SLC36A4: variants seen among roughly 807,000 people sequenced by gnomAD.
The protein encoded by SLC36A4 is neutral amino acid uniporter 4.
Under a neutral mutation model 50.5 loss-of-function variants are expected in SLC36A4, and 49 were observed. The ratio of observed to expected loss-of-function variants is 0.97; its 90% CI spans 0.77 to 1.23. The LOEUF (loss-of-function observed/expected upper bound fraction) is 1.23, where lower values mean the gene tolerates loss of function less well. Ranked by LOEUF, SLC36A4 falls within the 50% of genes most tolerant of loss-of-function variation. The probability of loss-of-function intolerance (pLI) is 0.00; values close to 1 mark genes in which losing one functional copy is unlikely to be tolerated. For synonymous variants in SLC36A4, 207 were observed against 206.5 expected (o/e 1.00, Z -0.02); for missense variants, 611 against 608.4 (o/e 1.00, Z -0.05).
Position 93,170,533 on chromosome 11 carries a change from C to T in SLC36A4, c.541-2362G>A, listed in dbSNP as rs147068075. Among the ~76,000 whole-genome samples the T allele has an allele frequency of 3.5e-3, 538 of 152,068 alleles. 3 individuals are homozygous for T. The highest frequency in any genetic ancestry group is 0.012 in the African/African-American group (499 of 41,508). ...TACAAATAAGGAAACTGATGCTAGA[C>T]CAGGGATAAGGGGGGTTTGCCCAAT... On this transcript the variant is annotated intron_variant, in intron 6 of 10. Transcript: ENST00000326402.
intron 1 of SLC36A4, 91 bp from the exon 2 acceptor site, chr11:93,185,905 A>G: frequency 8.9e-7 from 1 of 1,120,658 alleles, no homozygotes; most frequent in Non-Finnish European, 1.2e-6. Flanking sequence ...AGGAAACACC[A>G]TTTGTACTCA....
chr11:93,150,736 G>A (rs1310480501), intron 10 of SLC36A4, among the ~76,000 whole-genome samples: 1 of 152,010 alleles, frequency 6.6e-6, no homozygotes, highest in Admixed American at 6.6e-5. Context: ...GAGCTATAGA[G>A]CATAACTCTC....
At chr11:93,153,824 G>T in intron 10 of SLC36A4, 1 of 172,028 alleles carries the variant, frequency 5.8e-6, no homozygotes, top group Non-Finnish European at 1.2e-5. Flanking sequence ...GAAATGGAAG[G>T]GGTCCCATGT....
At chr11:93,166,363 A>G (rs1860865791) in intron 7 of SLC36A4, 2 of 1,005,048 alleles carry the variant, frequency 2.0e-6, no homozygotes, top group Admixed American at 5.7e-5. Flanking sequence ...TGAGAGCCAT[A>G]TAGTCAAGTT....
chr11:93,197,480 T>C (rs2166583), intron 1 of SLC36A4: 138,738 of 470,518 alleles, frequency 0.29, 22,497 homozygotes, highest in South Asian at 0.51. Context: ...CGCAGGCTCT[T>C]GCGTCTTTGA....
At chr11:93,182,426 G>T in intron 4 of SLC36A4, 1 of 167,134 alleles carries the variant, frequency 6.0e-6, no homozygotes, top group Non-Finnish European at 1.2e-5. Flanking sequence ...TTGTGTTGTT[G>T]ACTATCTACT....
At chr11:93,192,408 C>T (rs1862251945) in intron 1 of SLC36A4, among the ~76,000 whole-genome samples, 1 of 152,054 alleles carries the variant, frequency 6.6e-6, no homozygotes, top group South Asian at 2.1e-4. Context: ...GAGATCAGAT[C>T]AGAGGTGACA....
At chr11:93,185,625 T>C (rs1861949354) in intron 2 of SLC36A4, 66 bp downstream of exon 2, 14 of 1,404,880 alleles carry the variant, frequency 1.0e-5, no homozygotes, top group Non-Finnish European at 1.3e-5. Flanking sequence ...GTCTTGCCTG[T>C]AGAAGAAGAT....
At chr11:93,179,263 A>C (rs1179557643) in intron 6 of SLC36A4, among the ~76,000 whole-genome samples, 1 of 152,138 alleles carries the variant, frequency 6.6e-6, no homozygotes, top group East Asian at 1.9e-4. Context: ...AGAGCCAATA[A>C]CCATACTGGG....
At position 93,154,101 on chromosome 11, in the gene SLC36A4, T is replaced by A; in HGVS notation, c.1207+7A>T. 1 of 1,332,900 alleles carries A rather than the reference T, an allele frequency of 7.5e-7. No individual in the cohort carries two copies. The highest frequency in any genetic ancestry group is 1.0e-6 in the Non-Finnish European group (1 of 985,616). 82.6% of individuals were successfully genotyped at this position (1,332,900 alleles called of 1,614,324 possible). A position where few individuals can be genotyped will look rare whatever the true frequency, so the allele number is the denominator to read the frequency against. ...TTATTATGATATAAATATATAATGATACTTACAAGTAATACTAACCAAGAA... is the reference window on the plus strand; with the variant it reads ...TTATTATGATATAAATATATAATGAAACTTACAAGTAATACTAACCAAGAA... On this transcript the variant is annotated splice_region_variant and intron_variant, in intron 10 of 10. Transcript: ENST00000326402.
intron 6 of SLC36A4, chr11:93,170,179 T>C (rs1861064128): frequency 6.6e-6 from 1 of 152,100 alleles, no homozygotes; most frequent in Non-Finnish European, 1.5e-5. Flanking sequence ...GGCTATCTAA[T>C]AGGACTTCCT....
In SLC36A4 at chr11:93,173,932, T is replaced by C. The variant is rs1277590511; in HGVS notation, c.541-5761A>G. 2.1e-5 allele frequency among the ~76,000 whole-genome samples: 3 copies of C among 143,140 alleles called. No individual in the cohort carries two copies. The Admixed American group carries it at 2.1e-4, about 10-fold the overall frequency. The allele number at this position is 143,140 out of a possible 152,430, so 93.9% of individuals were successfully genotyped here. On this transcript the variant is annotated intron_variant, in intron 6 of 10. Coordinates refer to ENST00000326402, the MANE Select transcript of SLC36A4 (RefSeq NM_152313.4). ...TTAGGATTGACTTGGCGATGCGGGC[T>C]CTTTTTTGGTTCCATATGAACTTTA...
At chr11:93,187,074 TGGATACTTGA>T (rs1246820885) in intron 1 of SLC36A4, among the ~76,000 whole-genome samples, 1 of 152,190 alleles carries the variant, frequency 6.6e-6, no homozygotes, top group African/African-American at 2.4e-5. Context: ...CTTTATAGCC[TGGATACTTGA>T]GGAACAACTA....
intron 9 of SLC36A4, among the ~76,000 whole-genome samples, chr11:93,161,640 T>C (rs973428760): frequency 6.6e-6 from 1 of 152,200 alleles, no homozygotes; most frequent in African/African-American, 2.4e-5. Flanking sequence ...TCAGAAGATA[T>C]AATTTCTGCT....
chr11:93,176,336 G>A (rs1381798442), intron 6 of SLC36A4, among the ~76,000 whole-genome samples: 2 of 151,818 alleles, frequency 1.3e-5, no homozygotes, highest in Admixed American at 6.6e-5. Flanking sequence ...TTGAGCCTAT[G>A]TGTGTCTCTG....
intron 6 of SLC36A4, among the ~76,000 whole-genome samples, chr11:93,173,032 CA>C (rs1487916833): frequency 7.1e-6 from 1 of 140,590 alleles, no homozygotes; most frequent in African/African-American, 2.6e-5. Flanking sequence ...CTGACTTCCA[CA>C]ATGGTTGAAC....
At chr11:93,158,906 C>G (rs926889975) in intron 9 of SLC36A4, among the ~76,000 whole-genome samples, 3 of 151,996 alleles carry the variant, frequency 2.0e-5, no homozygotes, top group Non-Finnish European at 4.4e-5. Context: ...AAACATCAAA[C>G]AACTTTAAAC....
Position 93,146,357 on chromosome 11 carries a change from A to G in SLC36A4, c.*2180T>C, listed in dbSNP as rs759080629. On this transcript the variant is annotated 3_prime_UTR_variant, in exon 11 of 11. Transcript: ENST00000326402. ...TCAACTCATTTTATATCAAGCTATA[A>G]AGTTTTTTAAACATCTAATTCAAGA... 6 of 151,960 alleles carry G rather than the reference A, an allele frequency of 3.9e-5. No homozygotes were observed. Among genetic ancestry groups the G allele is most frequent in the Non-Finnish European group, 7.4e-5 (5 of 67,938 alleles). The allele number at this position is 151,960 out of a possible 1,614,324, so 9.4% of individuals were successfully genotyped here. A position where few individuals can be genotyped will look rare whatever the true frequency, so the allele number is the denominator to read the frequency against.
At chr11:93,168,417 A>G (rs1860982415) in intron 6 of SLC36A4, among the ~76,000 whole-genome samples, 1 of 152,088 alleles carries the variant, frequency 6.6e-6, no homozygotes, top group Admixed American at 6.6e-5. Context: ...TACTGTAAAT[A>G]TAAAGTTCAT....
Sources: gnomAD v4.1 joint callset for allele counts (sites outside exome capture counted in the v4.1 genomes callset) on GRCh38, gnomAD v4.1.1 for gene constraint, MANE v1.5 for transcripts, NCBI Gene and HGNC (gene_info 2026-07-23, HGNC 2026-07-21) for gene names.